The following ATP2B3 variants were observed in gnomAD, a reference collection of about 807,000 sequenced individuals.
ATP2B3 encodes plasma membrane calcium-transporting ATPase 3.
In ATP2B3, 12 loss-of-function variants were observed where a neutral mutation model predicts 70.8. The ratio of observed to expected loss-of-function variants is 0.17; its 90% CI spans 0.11 to 0.27. The LOEUF is 0.27. Ranked by LOEUF, ATP2B3 falls within the 10% of genes least tolerant of loss-of-function variation. The probability of loss-of-function intolerance (pLI) is 1.00; values close to 1 mark genes in which losing one functional copy is unlikely to be tolerated. For synonymous variants in ATP2B3, 460 were observed against 497.8 expected, an observed-to-expected ratio of 0.92 and a Z score of 1.01; for missense variants, 858 against 1,118.5, an observed-to-expected ratio of 0.77 and a Z score of 3.32.
chrX:153,557,992 G>A (rs904588439), intron 16 of ATP2B3, 120 bp from the exon 17 acceptor site: 27 of 653,873 alleles, frequency 4.1e-5, no homozygotes, highest in Non-Finnish European at 5.3e-5. Context: ...GGGGGGCGGG[G>A]TGGGATGTTA....
chrX:153,522,180 C>A (rs2089968015), intron 2 of ATP2B3, among the ~76,000 whole-genome samples: 1 of 112,743 alleles, frequency 8.9e-6, no homozygotes, highest in African/African-American at 3.2e-5. Flanking sequence ...AGAATGGCGC[C>A]AGCTATGCCA....
chrX:153,536,546 G>C, intron 3 of ATP2B3, 91 bp downstream of exon 3: 1 of 1,002,356 alleles, frequency 1.0e-6, no homozygotes, highest in Non-Finnish European at 1.4e-6. Flanking sequence ...AGGCTGGCCA[G>C]GGTCAAGGGC....
intron 13 of ATP2B3, 136 bp from the exon 14 acceptor site, chrX:153,555,913 A>G: frequency 1.5e-6 from 1 of 676,165 alleles, no homozygotes; most frequent in Non-Finnish European, 2.3e-6. Context: ...TGTTCTGAGC[A>G]CGTGAATCGG....
At chrX:153,579,420 G>A (rs1275735400) in intron 21 of ATP2B3, among the ~76,000 whole-genome samples, 1 of 112,891 alleles carries the variant, frequency 8.9e-6, no homozygotes, top group Non-Finnish European at 1.9e-5. Context: ...GGCCGGCAGT[G>A]CCCATAGGCT....
chrX:153,575,496 G>T (rs782534955), intron 21 of ATP2B3, among the ~76,000 whole-genome samples: 1 of 112,382 alleles, frequency 8.9e-6, no homozygotes. Flanking sequence ...AGAAAGACTG[G>T]GGCCGGCTCC....
intron 8 of ATP2B3, among the ~76,000 whole-genome samples, chrX:153,546,364 C>G (rs2090366338): frequency 8.9e-6 from 1 of 112,555 alleles, no homozygotes; most frequent in Non-Finnish European, 1.9e-5. Context: ...GCCCAGCCAC[C>G]TAGAGGAGAC....
In ATP2B3 at chrX:153,558,313, G is replaced by T. The variant is rs371949464; in HGVS notation, c.2625+10G>T. The T allele has an allele frequency of 1.7e-6, 2 of 1,195,014 alleles. No individual in the cohort carries two copies. Among genetic ancestry groups the T allele is most frequent in the African/African-American group, 3.5e-5 (2 of 57,034 alleles). Reference sequence around the variant, plus strand: ...TGCCTGCATTACTCAGGTGGGTACTGGGGGCTGCCATGCCCCAGCTAGGAC... The same window carrying T: ...TGCCTGCATTACTCAGGTGGGTACTTGGGGCTGCCATGCCCCAGCTAGGAC... On this transcript the variant is annotated intron_variant, in intron 17 of 21. Coordinates refer to ENST00000263519, the MANE Select transcript of ATP2B3 (RefSeq NM_001001344.3).
intron 17 of ATP2B3, among the ~76,000 whole-genome samples, chrX:153,558,907 C>T (rs1018379371): frequency 6.3e-5 from 7 of 111,347 alleles, no homozygotes; most frequent in Admixed American, 9.5e-5. Flanking sequence ...GTGGGCTATG[C>T]GTCCCATGGG....
At position 153,581,889 on chromosome X, in the gene ATP2B3, C is replaced by T. The variant is rs2090925648; in HGVS notation, c.*1591C>T. 8.9e-6 allele frequency: 1 copy of T among 112,615 alleles called. No homozygotes were observed. The highest frequency in any genetic ancestry group is 9.3e-5 in the Admixed American group (1 of 10,699). 9.3% of individuals were successfully genotyped at this position (112,615 alleles called of 1,213,427 possible). A position where few individuals can be genotyped will look rare whatever the true frequency, so the allele number is the denominator to read the frequency against. ...CTGGTGGCCAAGCCTCAGTTTCCCCCAAATGAGCAAAGGGGATAAAGAGGG... is the reference window on the plus strand; with the variant it reads ...CTGGTGGCCAAGCCTCAGTTTCCCCTAAATGAGCAAAGGGGATAAAGAGGG... On this transcript the variant is annotated 3_prime_UTR_variant, in exon 22 of 22. Transcript: ENST00000263519.
chrX:153,580,645 G>C lies in ATP2B3; in HGVS notation c.*347G>C, dbSNP rs1557022738. On this transcript the variant is annotated 3_prime_UTR_variant, in exon 22 of 22. Transcript: ENST00000263519. The stretch of plus-strand genomic sequence containing the variant: ...TGAGTTCCCCACCTTTTTTTCTATT[G>C]ATGCTTCTTTTTTAACAAACTACAG... 1 of 212,955 alleles carries C rather than the reference G, an allele frequency of 4.7e-6. No individual in the cohort carries two copies. 17.5% of individuals were successfully genotyped at this position (212,955 alleles called of 1,213,427 possible). A position where few individuals can be genotyped will look rare whatever the true frequency, so the allele number is the denominator to read the frequency against.
At chrX:153,569,474 G>A in intron 21 of ATP2B3, 1 of 780,846 alleles carries the variant, frequency 1.3e-6, no homozygotes, top group Non-Finnish European at 1.9e-6. Flanking sequence ...CAGTGAGCGG[G>A]GTGACCCGAT....
At position 153,542,527 on chromosome X, in the gene ATP2B3, T is replaced by G. The variant is rs2090302479; in HGVS notation, c.790+79T>G. 8.8e-6 allele frequency: 10 copies of G among 1,133,317 alleles called. No individual in the cohort carries two copies. In the Admixed American group the frequency reaches 2.4e-4, roughly 28 times the overall value. The allele number at this position is 1,133,317 out of a possible 1,213,427, so 93.4% of individuals were successfully genotyped here. Reference sequence around the variant, plus strand: ...GGCCCAGCATCCTGTCCAGGCTGCCTGCTGGGCTCAGCCTCCACCTCCACC... The same window carrying G: ...GGCCCAGCATCCTGTCCAGGCTGCCGGCTGGGCTCAGCCTCCACCTCCACC... On this transcript the variant is annotated intron_variant, in intron 6 of 21. Transcript: ENST00000263519.
At chrX:153,553,993 G>T (rs1349576529) in intron 13 of ATP2B3, among the ~76,000 whole-genome samples, 2 of 113,829 alleles carry the variant, frequency 1.8e-5, no homozygotes, top group Non-Finnish European at 3.7e-5. Context: ...CACCCTGGGG[G>T]TGCAGGTGCA....
intron 21 of ATP2B3, among the ~76,000 whole-genome samples, chrX:153,574,275 A>T (rs1437348249): frequency 8.9e-6 from 1 of 112,199 alleles, no homozygotes; most frequent in Non-Finnish European, 1.9e-5. Flanking sequence ...GAAACCCTAA[A>T]GTTCTTGACA....
chrX:153,537,881 G>A (rs1445816479), intron 3 of ATP2B3, among the ~76,000 whole-genome samples: 1 of 112,698 alleles, frequency 8.9e-6, no homozygotes, highest in Non-Finnish European at 1.9e-5. Context: ...GAACCTGCCC[G>A]ATTCTGCCAT....
intron 7 of ATP2B3, among the ~76,000 whole-genome samples, chrX:153,543,944 G>A (rs1460982758): frequency 9.0e-6 from 1 of 111,619 alleles, no homozygotes; most frequent in Non-Finnish European, 1.9e-5. Flanking sequence ...CGCGGGGTGT[G>A]GGGGCGTGGG....
rs188185902 is a variant in ATP2B3, at chrX:153,553,564, G to A, written c.2058+295G>A. On this transcript the variant is annotated intron_variant, in intron 13 of 21. Coordinates refer to ENST00000263519, the MANE Select transcript of ATP2B3 (RefSeq NM_001001344.3). ...TTTGGGATCTGATCCACCCAGGACC[G>A]ATGGACTGGAGGTGGTGCTGAAGCC... 2.4e-4 allele frequency among the ~76,000 whole-genome samples: 27 copies of A among 112,259 alleles called. No individual in the cohort carries two copies. The East Asian group carries it at 7.4e-3, about 31-fold the overall frequency.
rs995689391 is a variant in ATP2B3, at chrX:153,550,197, G to A, written c.1734G>A (p.Ser578=). ...DKLYKVYTFN[S]VRKSMSTVIR... ...TTTACAAAGTGTACACCTTCAACTC[G>A]GTCCGCAAGTCCATGAGCACAGTCA... Residue 578 remains serine (S), a synonymous_variant, in exon 12 of 22, where the codon TCG becomes TCA. Transcript: ENST00000263519. The A allele has an allele frequency of 2.1e-5, 25 of 1,211,350 alleles. No homozygotes were observed. The highest frequency in any genetic ancestry group is 2.6e-5 in the Non-Finnish European group (23 of 895,505).
At chrX:153,538,154 G>A (rs782319866) in intron 3 of ATP2B3, among the ~76,000 whole-genome samples, 14 of 112,925 alleles carry the variant, frequency 1.2e-4, no homozygotes, top group Non-Finnish European at 2.3e-4. Flanking sequence ...CTCGCTCCCC[G>A]CATCCCCTAG....
Sources: gnomAD v4.1 joint callset for allele counts (sites outside exome capture counted in the v4.1 genomes callset) on GRCh38, gnomAD v4.1.1 for gene constraint, MANE v1.5 for transcripts, NCBI Gene and HGNC (gene_info 2026-07-23, HGNC 2026-07-21) for gene names.